The following ZNF254 variants were observed in gnomAD, a reference collection of about 807,000 sequenced individuals.
The protein encoded by ZNF254 is zinc finger protein 254, also known as CTD-2017D11.1.
A neutral mutation model predicts 12.4 loss-of-function variants in ZNF254; 10 were observed. That is an observed-to-expected ratio of 0.80 (90% CI 0.50 to 1.36). ZNF254 has a LOEUF of 1.36. Among genes scored for constraint, ZNF254 ranks in the 40% most tolerant of loss-of-function variants. ZNF254 has a pLI of 0.00. For missense variants in ZNF254, 996 were observed against 763.9 expected, an observed-to-expected ratio of 1.30 and a Z score of -3.58; for synonymous variants, 305 against 253.4, an observed-to-expected ratio of 1.20 and a Z score of -1.93.
upstream of ZNF254, among the ~76,000 whole-genome samples, chr19:24,086,871 A>T (rs1450462785): frequency 1.3e-5 from 2 of 152,256 alleles, no homozygotes; most frequent in African/African-American, 2.4e-5. Flanking sequence ...AACAAAAATT[A>T]TATGTATTAT....
chr19:24,033,536 CT>C, exon 1 of ZNF254: 1 of 235,628 alleles, frequency 4.2e-6, no homozygotes, highest in Non-Finnish European at 8.8e-6. Flanking sequence ...CCTGGGGACT[CT>C]GTGACGGCCT....
chr19:24,053,429 G>C, intron 2 of ZNF254, among the ~76,000 whole-genome samples: 1 of 152,122 alleles, frequency 6.6e-6, no homozygotes, highest in East Asian at 1.9e-4. Context: ...TAAGTAATTT[G>C]ACTCTCCTGC....
intron 2 of ZNF254, among the ~76,000 whole-genome samples, chr19:24,070,284 T>C (rs555467674): frequency 3.9e-5 from 6 of 152,366 alleles, no homozygotes; most frequent in Non-Finnish European, 5.9e-5. Context: ...AGGTAATGCA[T>C]TGAATGCCCT....
At chr19:24,072,621 C>T (rs1188308999) in intron 2 of ZNF254, among the ~76,000 whole-genome samples, 1 of 152,196 alleles carries the variant, frequency 6.6e-6, no homozygotes, top group Non-Finnish European at 1.5e-5. Context: ...GTGTGACTCT[C>T]CTCTTCCATC....
At chr19:24,079,152 C>A (rs1161037201) in intron 2 of ZNF254, 1 of 152,084 alleles carries the variant, frequency 6.6e-6, no homozygotes, top group Non-Finnish European at 1.5e-5. Context: ...CAGAATGAAA[C>A]CCTGCAGCAG....
chr19:24,066,235 C>T (rs1971265264), intron 2 of ZNF254: 1 of 152,122 alleles, frequency 6.6e-6, no homozygotes, highest in Non-Finnish European at 1.5e-5. Flanking sequence ...ATATATTTCT[C>T]CTGCCTGGGT....
At chr19:24,121,649 C>T (rs939403642) in intron 3 of ZNF254, among the ~76,000 whole-genome samples, 1 of 152,134 alleles carries the variant, frequency 6.6e-6, no homozygotes, top group Non-Finnish European at 1.5e-5. Context: ...CCTCCGCCTT[C>T]CAGGTTCAAG....
intron 3 of ZNF254, 69 bp downstream of exon 3, chr19:24,106,712 A>G (rs1047785520): frequency 7.5e-7 from 1 of 1,324,920 alleles, no homozygotes. Context: ...GCCACTCTTT[A>G]AAGTGATTTA....
At chr19:24,042,536 C>T (rs577008231) in intron 1 of ZNF254, among the ~76,000 whole-genome samples, 2 of 152,192 alleles carry the variant, frequency 1.3e-5, no homozygotes, top group South Asian at 2.1e-4. Flanking sequence ...CTGAAGCCAG[C>T]GACACCACGA....
At chr19:24,037,912 A>T (rs1388386842) in intron 1 of ZNF254, among the ~76,000 whole-genome samples, 1 of 151,888 alleles carries the variant, frequency 6.6e-6, no homozygotes, top group Non-Finnish European at 1.5e-5. Context: ...CCTGGCCCTA[A>T]TTTTTTGTAC....
intron 1 of ZNF254, among the ~76,000 whole-genome samples, chr19:24,045,227 C>T (rs1453703317): frequency 6.6e-6 from 1 of 152,172 alleles, no homozygotes; most frequent in African/African-American, 2.4e-5. Flanking sequence ...GCGTTTATCA[C>T]TTTGTGATAG....
intron 1 of ZNF254, chr19:24,033,663 C>G: frequency 3.0e-6 from 1 of 335,210 alleles, no homozygotes. Context: ...AGAGAGCGGG[C>G]TGTGAAACCG....
upstream of ZNF254, chr19:24,087,068 T>C: frequency 2.1e-6 from 1 of 482,498 alleles, no homozygotes; most frequent in Non-Finnish European, 3.8e-6. Flanking sequence ...ACATCTTCTA[T>C]CACTCAGGGT....
chr19:24,118,563 A>G (rs1311209563), intron 3 of ZNF254, among the ~76,000 whole-genome samples: 1 of 152,076 alleles, frequency 6.6e-6, no homozygotes, highest in Middle Eastern at 3.2e-3. Flanking sequence ...ATTCATTCAA[A>G]TTTATTTAGT....
intron 1 of ZNF254, chr19:24,105,209 A>G (rs1267664352): frequency 3.2e-5 from 5 of 158,102 alleles, no homozygotes; most frequent in African/African-American, 9.6e-5. Flanking sequence ...ATCATTAGAT[A>G]TCTTTATGGA....
intron 2 of ZNF254, among the ~76,000 whole-genome samples, chr19:24,061,573 A>T (rs62114825): frequency 0.15 from 22,583 of 152,190 alleles, 1,937 homozygotes; most frequent in Middle Eastern, 0.23. Flanking sequence ...GAAAACCCAG[A>T]TGATGTGACT....
At chr19:24,090,034 GAA>G (rs575080256) in intron 1 of ZNF254, among the ~76,000 whole-genome samples, 12 of 94,752 alleles carry the variant, frequency 1.3e-4, no homozygotes, top group African/African-American at 3.9e-4. Flanking sequence ...CTAAAAATAC[GAA>G]AAAAAAAAAA....
chr19:24,087,369 G>T (rs1972088362), intron 1 of ZNF254, 32 bp downstream of exon 1: 1 of 1,612,982 alleles, frequency 6.2e-7, no homozygotes, highest in Admixed American at 1.7e-5. Flanking sequence ...CCCGAGAGAG[G>T]GGAGGGGGCT....
intron 2 of ZNF254, among the ~76,000 whole-genome samples, chr19:24,063,613 C>G (rs918108330): frequency 3.3e-5 from 5 of 152,126 alleles, no homozygotes; most frequent in African/African-American, 4.8e-5. Flanking sequence ...TATGTCTTCA[C>G]CAATCACCCT....
Sources: gnomAD v4.1 joint callset for allele counts (sites outside exome capture counted in the v4.1 genomes callset) on GRCh38, gnomAD v4.1.1 for gene constraint, MANE v1.5 for transcripts, NCBI Gene and HGNC (gene_info 2026-07-23, HGNC 2026-07-21) for gene names.